ATIC: variants seen among roughly 807,000 people sequenced by gnomAD.
ATIC encodes the protein 5-aminoimidazole-4-carboxamide ribonucleotide formyltransferase/IMP cyclohydrolase, also known as bifunctional purine biosynthesis protein ATIC.
A neutral mutation model predicts 72.5 loss-of-function variants in ATIC; 64 were observed. The observed-to-expected ratio is 0.88, with a 90% confidence interval of 0.72 to 1.09. The LOEUF is 1.09. Ranked by LOEUF, ATIC falls within the 50% of genes least tolerant of loss-of-function variation. ATIC has a pLI of 0.00. For missense variants in ATIC, 787 were observed against 732.4 expected (o/e 1.07, Z -0.86); for synonymous variants, 281 against 267.1 (o/e 1.05, Z -0.51).
intron 2 of ATIC, among the ~76,000 whole-genome samples, chr2:215,317,814 A>T (rs532323470): frequency 3.3e-5 from 5 of 151,978 alleles, no homozygotes; most frequent in African/African-American, 4.8e-5. Context: ...GCTTTTTGTT[A>T]CATACTGCCA....
chr2:215,349,748 A>T lies in ATIC; in HGVS notation c.*93A>T. ...TAACTTTTTAAAAAAATAAAACAGTATCTCTTAATCACTGGATCCATAGTT... is the reference window on the plus strand; with the variant it reads ...TAACTTTTTAAAAAAATAAAACAGTTTCTCTTAATCACTGGATCCATAGTT... On this transcript the variant is annotated 3_prime_UTR_variant, in exon 16 of 16. Coordinates refer to ENST00000236959, the MANE Select transcript of ATIC (RefSeq NM_004044.7). 2 of 1,598,548 alleles carry T rather than the reference A, an allele frequency of 1.3e-6. No individual in the cohort carries two copies. The highest frequency in any genetic ancestry group is 2.2e-5 in the South Asian group (2 of 90,426).
intron 2 of ATIC, among the ~76,000 whole-genome samples, chr2:215,315,796 C>CAAA (rs1364392723): frequency 1.3e-5 from 2 of 151,892 alleles, no homozygotes; most frequent in East Asian, 3.9e-4. Context: ...GCTAAAAATA[C>CAAA]AAAAAAGAAT....
chr2:215,362,159 A>T, the ATIC span: 1 of 1,065,612 alleles, frequency 9.4e-7, no homozygotes, highest in African/African-American at 1.5e-5. Context: ...AGTTAAAGAA[A>T]AATGTCACAT....
At chr2:215,339,471 G>A (rs182556893) in intron 12 of ATIC, among the ~76,000 whole-genome samples, 1 of 152,130 alleles carries the variant, frequency 6.6e-6, no homozygotes, top group East Asian at 1.9e-4. Flanking sequence ...AGCCGTGTTT[G>A]TGCCACTGCA....
intron 12 of ATIC, among the ~76,000 whole-genome samples, chr2:215,341,033 C>CA (rs1015247131): frequency 3.9e-5 from 6 of 152,174 alleles, no homozygotes; most frequent in African/African-American, 9.7e-5. Flanking sequence ...AGCTTGCTCC[C>CA]AGGTCTGAAT....
At chr2:215,339,546 G>A (rs2052994787) in intron 12 of ATIC, among the ~76,000 whole-genome samples, 1 of 152,184 alleles carries the variant, frequency 6.6e-6, no homozygotes, top group Non-Finnish European at 1.5e-5. Context: ...ATCTTTATCT[G>A]AAAGTCCATG....
At chr2:215,338,674 C>A in intron 11 of ATIC, 105 bp from the exon 12 acceptor site, 2 of 1,183,958 alleles carry the variant, frequency 1.7e-6, no homozygotes, top group Non-Finnish European at 2.4e-6. Context: ...AAATTAGAAA[C>A]ATGCATATAA....
chr2:215,338,605 G>C (rs1345885505), intron 11 of ATIC, among the ~76,000 whole-genome samples, 174 bp from the exon 12 acceptor site: 1 of 152,084 alleles, frequency 6.6e-6, no homozygotes, highest in Non-Finnish European at 1.5e-5. Context: ...TATCATACCA[G>C]AATGATTTAA....
At chr2:215,333,651 C>T (rs10932606) in intron 9 of ATIC, among the ~76,000 whole-genome samples, 194 bp downstream of exon 9, 20,289 of 151,906 alleles carry the variant, frequency 0.13, 1,711 homozygotes, top group South Asian at 0.23. Context: ...GTAAAATACC[C>T]TTTGTTTCAT....
intron 4 of ATIC, among the ~76,000 whole-genome samples, chr2:215,320,875 C>T (rs115726796): frequency 0.017 from 2,554 of 152,238 alleles, 74 homozygotes; most frequent in African/African-American, 0.059. Flanking sequence ...CCACCACGCC[C>T]GGCCTGCCCG....
At chr2:215,313,409 G>A (rs2052676363) in intron 2 of ATIC, among the ~76,000 whole-genome samples, 3 of 152,170 alleles carry the variant, frequency 2.0e-5, no homozygotes, top group Admixed American at 6.6e-5. Flanking sequence ...GCCATGGAAA[G>A]AAGGGACTTA....
chr2:215,319,945 G>A (rs1231871955), intron 4 of ATIC, among the ~76,000 whole-genome samples: 2 of 152,150 alleles, frequency 1.3e-5, no homozygotes, highest in Non-Finnish European at 2.9e-5. Flanking sequence ...ATCTTAGTAT[G>A]TATAGGTTGA....
At chr2:215,364,747 A>T in the ATIC span, 1 of 704,898 alleles carries the variant, frequency 1.4e-6, no homozygotes, top group Non-Finnish European at 2.6e-6. Flanking sequence ...CAGCAGTTGT[A>T]TGCCAACAGG....
intron 15 of ATIC, 78 bp from the exon 16 acceptor site, chr2:215,349,458 T>C: frequency 6.2e-6 from 10 of 1,609,550 alleles, no homozygotes; most frequent in Admixed American, 1.7e-5. Context: ...TGTTAGCATA[T>C]GCTTTTTAGA....
At chr2:215,315,902 C>CCGAG (rs2052703453) in intron 2 of ATIC, among the ~76,000 whole-genome samples, 1 of 151,728 alleles carries the variant, frequency 6.6e-6, no homozygotes, top group African/African-American at 2.4e-5. Context: ...TTGCAGTGAG[C>CCGAG]CGAGATTCCA....
chr2:215,349,770 A>G, downstream of ATIC: 1 of 1,551,588 alleles, frequency 6.4e-7, no homozygotes, highest in Non-Finnish European at 8.9e-7. Flanking sequence ...CTGGATCCAT[A>G]GTTTTTGGTA....
Position 215,325,228 on chromosome 2 carries a change from C to T in ATIC, c.291-13C>T. The T allele has an allele frequency of 6.2e-7, 1 of 1,608,368 alleles. No individual in the cohort carries two copies. Among genetic ancestry groups the T allele is most frequent in the Non-Finnish European group, 8.5e-7 (1 of 1,174,966 alleles). On this transcript the variant is annotated splice_polypyrimidine_tract_variant and intron_variant, in intron 4 of 15. Transcript: ENST00000236959. ...ACTTTTTAATGACAGCCAGATTCGT[C>T]TTTGTTTTATAGAGTTGTTGCCTGC... is the stretch of plus-strand genomic sequence containing the variant.
the ATIC span, among the ~76,000 whole-genome samples, chr2:215,355,666 A>G: frequency 2.0e-5 from 3 of 152,238 alleles, no homozygotes; most frequent in African/African-American, 7.2e-5. Flanking sequence ...CTTTAAAAGA[A>G]ATTGTAATGA....
the ATIC span, chr2:215,368,076 T>G: frequency 9.3e-5 from 148 of 1,589,384 alleles, 1 homozygote; most frequent in Admixed American, 5.7e-4. Flanking sequence ...TATTAATCGA[T>G]TTGGACCATA....
Sources: gnomAD v4.1 joint callset for allele counts (sites outside exome capture counted in the v4.1 genomes callset) on GRCh38, gnomAD v4.1.1 for gene constraint, MANE v1.5 for transcripts, NCBI Gene and HGNC (gene_info 2026-07-23, HGNC 2026-07-21) for gene names.